KHDRBS3: variants seen among roughly 807,000 people sequenced by gnomAD.
KHDRBS3 encodes KH domain-containing, RNA-binding, signal transduction-associated protein 3.
In KHDRBS3, 23 loss-of-function variants were observed where a neutral mutation model predicts 45.6. That is an observed-to-expected ratio of 0.50 (90% CI 0.36 to 0.72). The LOEUF (loss-of-function observed/expected upper bound fraction) is 0.72. Ranked by LOEUF, KHDRBS3 falls within the 30% of genes least tolerant of loss-of-function variation. The pLI is 0.00. For missense variants in KHDRBS3, 352 were observed against 424.8 expected (o/e 0.83, Z 1.51); for synonymous variants, 162 against 156.5 (o/e 1.04, Z -0.26).
intron 6 of KHDRBS3, among the ~76,000 whole-genome samples, chr8:135,589,491 C>T (rs1828640712): frequency 6.6e-6 from 1 of 152,210 alleles, no homozygotes; most frequent in Admixed American, 6.5e-5. Context: ...GTCCCTTAAA[C>T]ATAGCAGGAA....
At chr8:135,609,718 G>A (rs58718581) in intron 7 of KHDRBS3, among the ~76,000 whole-genome samples, 13,126 of 151,766 alleles carry the variant, frequency 0.086, 1,158 homozygotes, top group African/African-American at 0.2. Flanking sequence ...ATATCTTAGC[G>A]CCACCGCTGT....
At chr8:135,545,168 A>T (rs911998038) in intron 3 of KHDRBS3, among the ~76,000 whole-genome samples, 6 of 152,128 alleles carry the variant, frequency 3.9e-5, no homozygotes, top group African/African-American at 1.4e-4. Context: ...AGGAAATATC[A>T]TAGTTACTGT....
intron 1 of KHDRBS3, among the ~76,000 whole-genome samples, chr8:135,481,223 GAT>G (rs10529846): frequency 0.012 from 892 of 77,362 alleles, 10 homozygotes; most frequent in Non-Finnish European, 0.016. Context: ...TGAAAGCCAC[GAT>G]ATATATATAT....
At chr8:135,512,437 G>GGGC (rs1554620171) in intron 1 of KHDRBS3, among the ~76,000 whole-genome samples, 4 of 128,484 alleles carry the variant, frequency 3.1e-5, no homozygotes, top group East Asian at 5.4e-4. Context: ...GTCGGGGGGG[G>GGGC]GGTAATAACT....
At chr8:135,538,004 G>T (rs1028578883) in intron 2 of KHDRBS3, among the ~76,000 whole-genome samples, 40 of 152,280 alleles carry the variant, frequency 2.6e-4, no homozygotes, top group African/African-American at 8.9e-4. Flanking sequence ...AGGGAGAGGG[G>T]ATATTAAAAA....
At position 135,461,336 on chromosome 8, in the gene KHDRBS3, C is replaced by A. The variant is rs1467892577; in HGVS notation, c.88+3382C>A. On this transcript the variant is annotated intron_variant, in intron 1 of 8. Coordinates refer to ENST00000355849, the MANE Select transcript of KHDRBS3 (RefSeq NM_006558.3). Reference sequence around the variant, plus strand: ...GCCAGGCTGGTCTCGAACTCCTGACCTCGTGATCTGCCTGCCTCAGCCTCC... The same window carrying A: ...GCCAGGCTGGTCTCGAACTCCTGACATCGTGATCTGCCTGCCTCAGCCTCC... Among the ~76,000 whole-genome samples the A allele has an allele frequency of 2.0e-5, 3 of 152,080 alleles. No individual in the cohort carries two copies. The East Asian group carries it at 5.8e-4, about 29-fold the overall frequency.
intron 1 of KHDRBS3, among the ~76,000 whole-genome samples, chr8:135,467,227 G>A (rs1027869100): frequency 1.3e-5 from 2 of 152,188 alleles, no homozygotes; most frequent in African/African-American, 2.4e-5. Flanking sequence ...TTGTATCTAA[G>A]ATGAGATTAT....
chr8:135,511,492 T>G (rs1335258327), intron 1 of KHDRBS3, among the ~76,000 whole-genome samples: 1 of 152,190 alleles, frequency 6.6e-6, no homozygotes, highest in Non-Finnish European at 1.5e-5. Flanking sequence ...TTATGTGTTG[T>G]ATGTATATTT....
intron 1 of KHDRBS3, among the ~76,000 whole-genome samples, chr8:135,464,872 ATGACACTATGTAGGGCACCTG>A (rs1253505994): frequency 6.6e-6 from 1 of 152,220 alleles, no homozygotes; most frequent in Non-Finnish European, 1.5e-5. Context: ...GCCCAACACT[ATGACACTATGTAGGGCACCTG>A]TTAGCATCAG....
intron 4 of KHDRBS3, among the ~76,000 whole-genome samples, chr8:135,554,976 T>C (rs939613291): frequency 6.6e-6 from 1 of 152,216 alleles, no homozygotes; most frequent in African/African-American, 2.4e-5. Context: ...CTCGTTTTCA[T>C]TGTGGCCATA....
downstream of KHDRBS3, among the ~76,000 whole-genome samples, chr8:135,651,246 A>G (rs1831422206): frequency 6.6e-6 from 1 of 151,846 alleles, no homozygotes; most frequent in African/African-American, 2.4e-5. Flanking sequence ...TCTCTAAACA[A>G]GAGTCTAAAC....
At chr8:135,608,264 T>C (rs371056392) in intron 7 of KHDRBS3, among the ~76,000 whole-genome samples, 10 of 152,222 alleles carry the variant, frequency 6.6e-5, no homozygotes, top group South Asian at 2.1e-4. Flanking sequence ...CTCAAAGATA[T>C]GTACCCTTTA....
chr8:135,526,644 C>T (rs1825203814), intron 2 of KHDRBS3, among the ~76,000 whole-genome samples: 1 of 152,144 alleles, frequency 6.6e-6, no homozygotes, highest in African/African-American at 2.4e-5. Flanking sequence ...GGAATTAATG[C>T]TGATGGTACA....
At chr8:135,632,833 C>T (rs1442129616) in intron 7 of KHDRBS3, among the ~76,000 whole-genome samples, 1 of 152,128 alleles carries the variant, frequency 6.6e-6, no homozygotes, top group South Asian at 2.1e-4. Flanking sequence ...ATTGCACTGC[C>T]TTCCTTTCTA....
At chr8:135,494,273 ATTTTTTTTTTTTT>A (rs386414089) in intron 1 of KHDRBS3, among the ~76,000 whole-genome samples, 1 of 78,624 alleles carries the variant, frequency 1.3e-5, no homozygotes, top group Non-Finnish European at 2.2e-5. Flanking sequence ...TGTTTCTCTT[ATTTTTTTTTTTTT>A]TTTTTTTTTT....
At chr8:135,506,754 G>A (rs190392585) in intron 1 of KHDRBS3, among the ~76,000 whole-genome samples, 69 of 152,156 alleles carry the variant, frequency 4.5e-4, no homozygotes, top group South Asian at 1.0e-3. Flanking sequence ...CAAATTTATT[G>A]TTAGAATCTT....
At chr8:135,525,776 A>G (rs779813218) in intron 2 of KHDRBS3, among the ~76,000 whole-genome samples, 1 of 152,196 alleles carries the variant, frequency 6.6e-6, no homozygotes, top group African/African-American at 2.4e-5. Flanking sequence ...TTAATATGCA[A>G]TAGATAGAAA....
At chr8:135,525,765 C>T (rs148528813) in intron 2 of KHDRBS3, among the ~76,000 whole-genome samples, 8 of 152,206 alleles carry the variant, frequency 5.3e-5, no homozygotes, top group African/African-American at 1.9e-4. Flanking sequence ...GCTCTGTATA[C>T]TTAATATGCA....
At chr8:135,636,013 T>G (rs1310677683) in intron 7 of KHDRBS3, among the ~76,000 whole-genome samples, 2 of 152,206 alleles carry the variant, frequency 1.3e-5, no homozygotes, top group South Asian at 4.1e-4. Context: ...GATTCTGTCA[T>G]TGGTAATAAA....
Sources: allele counts gnomAD v4.1 joint callset (sites outside exome capture counted in the v4.1 genomes callset), GRCh38; gene constraint gnomAD v4.1.1; transcripts MANE v1.5; gene names NCBI Gene and HGNC (gene_info 2026-07-23, HGNC 2026-07-21).